SLC39A6: variants seen among roughly 807,000 people sequenced by gnomAD.
The protein encoded by SLC39A6 is solute carrier family 39 member 6.
In SLC39A6, 51 loss-of-function variants were observed where a neutral mutation model predicts 63.5. The observed-to-expected ratio is 0.80, with a 90% CI of 0.64 to 1.01. The LOEUF is 1.01. Ranked by LOEUF, SLC39A6 falls within the 50% of genes least tolerant of loss-of-function variation. SLC39A6 has a pLI of 0.00. For missense variants in SLC39A6, 805 were observed against 927.8 expected, an observed-to-expected ratio of 0.87 and a Z score of 1.72; for synonymous variants, 318 against 324.7, an observed-to-expected ratio of 0.98 and a Z score of 0.22.
chr18:36,124,678 A>C lies in SLC39A6; in HGVS notation c.812T>G (p.Leu271Arg). 1 of 1,559,332 alleles carries C rather than the reference A, an allele frequency of 6.4e-7. No individual in the cohort carries two copies. The highest frequency in any genetic ancestry group is 1.3e-5 in the African/African-American group (1 of 74,380). The stretch of plus-strand genomic sequence containing the variant: ...CTGGATGCCCATGCCATGAGATGTC[A>C]GTAGCTTTGATGCATTGAAACACTG... ...PQECFNASKL[L>R]TSHGMGIQVP... is the part of the protein sequence containing the mutation. The change falls in exon 3 of 10, where the codon CTG (leucine) becomes CGG (arginine). Residue 271 changes from leucine to arginine, a missense_variant. This residue lies in a region of SLC39A6 where 639 missense variants were observed against 644.0 expected (regional missense o/e 0.99). Coordinates refer to ENST00000269187, the MANE Select transcript of SLC39A6 (RefSeq NM_012319.4).
chr18:36,114,596 C>T (rs2089328872), intron 6 of SLC39A6, 122 bp from the exon 7 acceptor site: 1 of 642,262 alleles, frequency 1.6e-6, no homozygotes, highest in Non-Finnish European at 2.6e-6. Context: ...TCCTTCATAT[C>T]TGCAGAACTA....
At chr18:36,113,825 A>G (rs914126087) in intron 7 of SLC39A6, among the ~76,000 whole-genome samples, 1 of 152,218 alleles carries the variant, frequency 6.6e-6, no homozygotes, top group Admixed American at 6.5e-5. Context: ...ATACAAATTA[A>G]AGACTGATCT....
At chr18:36,127,637 A>C (rs2089450676) in intron 1 of SLC39A6, among the ~76,000 whole-genome samples, 1 of 152,136 alleles carries the variant, frequency 6.6e-6, no homozygotes, top group African/African-American at 2.4e-5. Context: ...TTTTAAACTA[A>C]TACACTCTCC....
In SLC39A6 at chr18:36,116,723, C is replaced by T. The variant is rs1220814362; in HGVS notation, c.1416G>A (p.Lys472=). The change falls in exon 6 of 10, where the codon AAG becomes AAA. Residue 472 remains lysine (K), a synonymous_variant. Coordinates refer to ENST00000269187, the MANE Select transcript of SLC39A6 (RefSeq NM_012319.4). ...DDVEIKKQLS[K]YESQLSTNEE... ...CATTTGTTGAAAGTTGAGATTCATA[C>T]TTGGACAACTGCTTCTTAATCTCCA... 3 of 1,613,366 alleles carry T rather than the reference C, an allele frequency of 1.9e-6. No individual in the cohort carries two copies. The highest frequency in any genetic ancestry group is 2.2e-5 in the South Asian group (2 of 90,894).
At chr18:36,110,448 A>C (rs868297013) in intron 9 of SLC39A6, among the ~76,000 whole-genome samples, 10 of 152,194 alleles carry the variant, frequency 6.6e-5, no homozygotes, top group African/African-American at 1.9e-4. Flanking sequence ...AAAAAAAAAA[A>C]AAAACTCTAA....
At chr18:36,122,724 G>T (rs1414945518) in intron 4 of SLC39A6, among the ~76,000 whole-genome samples, 3 of 152,180 alleles carry the variant, frequency 2.0e-5, no homozygotes, top group East Asian at 3.9e-4. Flanking sequence ...TAACTGAGTG[G>T]AGTAGTAACT....
At position 36,122,165 on chromosome 18, in the gene SLC39A6, C is replaced by T; in HGVS notation, c.1246G>A (p.Ala416Thr). The T allele has an allele frequency of 6.2e-7, 1 of 1,613,888 alleles. No individual in the cohort carries two copies. Among genetic ancestry groups the T allele is most frequent in the Non-Finnish European group, 8.5e-7 (1 of 1,179,808 alleles). Reference sequence around the variant, plus strand: ...CCCTTCCACGTGGAATCAAAATAGGCACTTTCTTCTATGTTTTGAGAAGAC... The same window carrying T: ...CCCTTCCACGTGGAATCAAAATAGGTACTTTCTTCTATGTTTTGAGAAGAC... ...HLSSQNIEES[A>T]YFDSTWKGLT... Residue 416 changes from alanine (A) to threonine (T), a missense_variant, in exon 5 of 10, where the codon GCC becomes ACC. By Grantham distance (58) the Ala-to-Thr change is moderately conservative. This residue lies in a region of SLC39A6 where 639 missense variants were observed against 644.0 expected (regional missense o/e 0.99). Transcript: ENST00000269187.
Position 36,109,668 on chromosome 18 carries a change from C to T in SLC39A6, c.2193G>A (p.Gly731=). The part of the protein sequence containing the change: ...RWGYFFLQNA[G]MLLGFGIMLL... ...ACATAATTCCAAAACCCAAAAGCATCCCAGCATTCTGTAAAAAGAAATACC... is the reference window on the plus strand; with the variant it reads ...ACATAATTCCAAAACCCAAAAGCATTCCAGCATTCTGTAAAAAGAAATACC... The change falls in exon 10 of 10, where the codon GGG becomes GGA. Residue 731 remains glycine (G), a synonymous_variant. Coordinates refer to ENST00000269187, the MANE Select transcript of SLC39A6 (RefSeq NM_012319.4). 6.2e-7 allele frequency: 1 copy of T among 1,612,048 alleles called. No homozygotes were observed. The highest frequency in any genetic ancestry group is 8.5e-7 in the Non-Finnish European group (1 of 1,178,372).
rs1567957427 is a variant in SLC39A6, at chr18:36,114,199, G to A, written c.1741C>T (p.Arg581Cys). The A allele has an allele frequency of 4.3e-6, 7 of 1,614,180 alleles. No homozygotes were observed. Among genetic ancestry groups the A allele is most frequent in the Non-Finnish European group, 5.9e-6 (7 of 1,180,012 alleles). ...TCTTTCAGCTCCTCCCGAGAGTAGC[G>A]CTGGCTGTGACTGTGAGGATGGTGG... is the stretch of plus-strand genomic sequence containing the variant. Reference protein sequence around the residue: ...QNHHPHSHSQRYSREELKDAG... With the variant: ...QNHHPHSHSQCYSREELKDAG... The change falls in exon 7 of 10, where the codon CGC becomes TGC. Residue 581 changes from arginine to cysteine, a missense_variant. By Grantham distance (180) the Arg-to-Cys change is radical. Around this residue, in one of 4 missense-constraint regions of SLC39A6, gnomAD observed 145 missense variants for 227.2 expected, o/e 0.64. Coordinates refer to ENST00000269187, the MANE Select transcript of SLC39A6 (RefSeq NM_012319.4).
chr18:36,119,655 T>C (rs568323149), intron 5 of SLC39A6, among the ~76,000 whole-genome samples: 2 of 152,166 alleles, frequency 1.3e-5, no homozygotes, highest in Admixed American at 1.3e-4. Flanking sequence ...AAGAAAAAAT[T>C]ATTCTGTGTC....
Position 36,109,659 on chromosome 18 carries a change from CA to C in SLC39A6, c.2201del (p.Leu734TrpfsTer20). 6.2e-7 allele frequency: 1 copy of C among 1,611,956 alleles called. No individual in the cohort carries two copies. Among genetic ancestry groups the C allele is most frequent in the Non-Finnish European group, 8.5e-7 (1 of 1,178,390 alleles). On this transcript the variant is annotated frameshift_variant, in exon 10 of 10. Transcript: ENST00000269187. LOFTEE classifies it high-confidence loss of function. ...AAATAAGTAACATAATTCCAAAACC[CA>C]AAAGCATCCCAGCATTCTGTAAAAA... is the stretch of plus-strand genomic sequence containing the variant. ...YFFLQNAGML[L>X]GFGIMLLISI...
Position 36,126,284 on chromosome 18 carries a change from CATTT to C in SLC39A6, c.720_723del (p.Glu242LeufsTer2). On this transcript the variant is annotated frameshift_variant, in exon 2 of 10. Transcript: ENST00000269187. LOFTEE classifies it high-confidence loss of function. Reference sequence around the variant, plus strand: ...CCTTTTCGGGGCTCACTCACAGATTCATTTGTTTTCCTACCAGCCAGCCGGCTCA... The same window carrying C: ...CCTTTTCGGGGCTCACTCACAGATTCGTTTTCCTACCAGCCAGCCGGCTCA... 7 of 1,614,210 alleles carry C rather than the reference CATTT, an allele frequency of 4.3e-6. No individual in the cohort carries two copies. The highest frequency in any genetic ancestry group is 5.9e-6 in the Non-Finnish European group (7 of 1,180,036).
At chr18:36,115,528 G>C (rs1389360888) in intron 6 of SLC39A6, among the ~76,000 whole-genome samples, 1 of 152,064 alleles carries the variant, frequency 6.6e-6, no homozygotes, top group African/African-American at 2.4e-5. Flanking sequence ...AGGCACAGTG[G>C]CTCATGCCTG....
chr18:36,116,704 T>A lies in SLC39A6; in HGVS notation c.1435A>T (p.Thr479Ser), dbSNP rs201305953. ...TCTGTATCTACTTTCTCCTCATTTG[T>A]TGAAAGTTGAGATTCATACTTGGAC... ...QLSKYESQLS[T>S]NEEKVDTDDR... Residue 479 changes from threonine to serine, a missense_variant, in exon 6 of 10, where the codon ACA becomes TCA. By Grantham distance (58) the Thr-to-Ser change is moderately conservative. This residue lies in a region of SLC39A6 where 639 missense variants were observed against 644.0 expected (regional missense o/e 0.99). Coordinates refer to ENST00000269187, the MANE Select transcript of SLC39A6 (RefSeq NM_012319.4). 1 of 1,612,346 alleles carries A rather than the reference T, an allele frequency of 6.2e-7. No individual in the cohort carries two copies. Among genetic ancestry groups the A allele is most frequent in the Non-Finnish European group, 8.5e-7 (1 of 1,178,614 alleles).
chr18:36,115,310 C>T (rs993076680), intron 6 of SLC39A6, among the ~76,000 whole-genome samples: 21 of 151,688 alleles, frequency 1.4e-4, no homozygotes, highest in African/African-American at 4.8e-4. Flanking sequence ...GGCATGGTGG[C>T]GGGTGCCTGT....
At position 36,109,711 on chromosome 18, in the gene SLC39A6, T is replaced by G; in HGVS notation, c.2150A>C (p.His717Pro). 2 of 1,613,004 alleles carry G rather than the reference T, an allele frequency of 1.2e-6. No individual in the cohort carries two copies. Among genetic ancestry groups the G allele is most frequent in the Non-Finnish European group, 1.7e-6 (2 of 1,179,306 alleles). Residue 717 changes from histidine (H) to proline (P), a missense_variant, in exon 10 of 10, where the codon CAT becomes CCT. By Grantham distance (77) the His-to-Pro change is moderately conservative. This residue lies in a region of SLC39A6 where 145 missense variants were observed against 227.2 expected (regional missense o/e 0.64). Transcript: ENST00000269187. The stretch of plus-strand genomic sequence containing the variant: ...GAAATACCCCCAGCGGCTACATCCA[T>G]GGTCACTAGCATCATTGTGCAGCAT... Reference protein sequence around the residue: ...PEMLHNDASDHGCSRWGYFFL... With the variant: ...PEMLHNDASDPGCSRWGYFFL...
In SLC39A6 at chr18:36,122,079, G is replaced by A; in HGVS notation, c.1332C>T (p.Ile444=). 3 of 1,612,734 alleles carry A rather than the reference G, an allele frequency of 1.9e-6. No individual in the cohort carries two copies. Among genetic ancestry groups the A allele is most frequent in the Middle Eastern group, 1.7e-4 (1 of 6,058 alleles). The change falls in exon 5 of 10, where the codon ATC becomes ATT. Residue 444 remains isoleucine, a synonymous_variant. Transcript: ENST00000269187. The part of the protein sequence containing the change: ...MFLVEHVLTL[I]KQFKDKKKKN... ...TTTTCTTCTTATCTTTAAATTGTTT[G>A]ATCAATGTGAGGACATGTTCAACAA... is the stretch of plus-strand genomic sequence containing the variant.
intron 6 of SLC39A6, among the ~76,000 whole-genome samples, chr18:36,115,155 GA>G (rs1332272439): frequency 6.6e-6 from 1 of 150,824 alleles, no homozygotes; most frequent in African/African-American, 2.4e-5. Context: ...AAAAACTGAA[GA>G]GGGGGCCGGG....
At chr18:36,113,055 A>G (rs2089313395) in intron 7 of SLC39A6, among the ~76,000 whole-genome samples, 1 of 152,096 alleles carries the variant, frequency 6.6e-6, no homozygotes, top group Admixed American at 6.6e-5. Flanking sequence ...AAAATCTGAC[A>G]TATTATACAA....
Sources: gnomAD v4.1 joint callset for allele counts (sites outside exome capture counted in the v4.1 genomes callset) on GRCh38, gnomAD v4.1.1 for gene constraint, gnomAD v4.1.1 regional missense constraint, MANE v1.5 for transcripts, NCBI Gene and HGNC (gene_info 2026-07-23, HGNC 2026-07-21) for gene names.